The following NODAL variants were observed in gnomAD, a reference collection of about 807,000 sequenced individuals.
NODAL encodes the protein nodal homolog.
A neutral mutation model predicts 34.0 loss-of-function variants in NODAL; 12 were observed. The observed-to-expected ratio is 0.35, with a 90% CI of 0.23 to 0.57. The LOEUF (loss-of-function observed/expected upper bound fraction) is 0.57, where lower values mean the gene tolerates loss of function less well. Among genes scored for constraint, NODAL ranks in the 20% least tolerant of loss-of-function variants. NODAL has a pLI of 0.83. For missense variants in NODAL, 390 were observed against 444.2 expected (o/e 0.88, Z 1.10); for synonymous variants, 162 against 186.4 (o/e 0.87, Z 1.07).
chr10:70,440,400 A>G, intron 1 of NODAL, among the ~76,000 whole-genome samples: 1 of 152,260 alleles, frequency 6.6e-6, no homozygotes, highest in Non-Finnish European at 1.5e-5. Context: ...TGGTCCCCAG[A>G]TGACCCTTCC....
At chr10:70,442,120 T>C (rs1429052710), upstream of NODAL, among the ~76,000 whole-genome samples, 1 of 152,212 alleles carries the variant, frequency 6.6e-6, no homozygotes, top group African/African-American at 2.4e-5. Context: ...GGGATCCTCG[T>C]GGCTCTCAGG....
intron 1 of NODAL, among the ~76,000 whole-genome samples, chr10:70,441,089 C>G (rs549292704): frequency 6.6e-6 from 1 of 152,394 alleles, no homozygotes; most frequent in Non-Finnish European, 1.5e-5. Flanking sequence ...TTTATTACAC[C>G]TATCCTACAG....
intron 2 of NODAL, 157 bp downstream of exon 2, chr10:70,435,129 A>C: frequency 4.4e-6 from 3 of 676,606 alleles, no homozygotes; most frequent in Non-Finnish European, 7.7e-6. Context: ...ACACTCGGTC[A>C]TCTCTACATG....
At chr10:70,444,184 C>T (rs1366194209), upstream of NODAL, among the ~76,000 whole-genome samples, 2 of 152,154 alleles carry the variant, frequency 1.3e-5, no homozygotes, top group Non-Finnish European at 2.9e-5. Context: ...CCACCCGCCT[C>T]AGCCTCCCAA....
In NODAL at chr10:70,431,998, A is replaced by C. The variant is rs1439340925; in HGVS notation, c.*938T>G. On this transcript the variant is annotated 3_prime_UTR_variant, in exon 3 of 3. Transcript: ENST00000287139. ...TAATATGAATGCATTAGGATTCACC[A>C]GCGTTCCTTTTACAAGTGGAGACTG... Among the ~76,000 whole-genome samples the C allele has an allele frequency of 6.6e-6, 1 of 152,226 alleles. No individual in the cohort carries two copies. Among genetic ancestry groups the C allele is most frequent in the Admixed American group, 6.5e-5 (1 of 15,280 alleles).
intron 1 of NODAL, 133 bp downstream of exon 1, chr10:70,441,342 G>C (rs944716819): frequency 1.0e-6 from 1 of 968,858 alleles, no homozygotes; most frequent in Non-Finnish European, 1.5e-6. Context: ...CCTGGGCTCG[G>C]GACGCCCGGG....
rs1174224192 is a variant in NODAL at position 70,432,482 on chromosome 10, TC to T, written c.*453del. 3.6e-6 allele frequency: 1 copy of T among 275,076 alleles called. No homozygotes were observed. Among genetic ancestry groups the T allele is most frequent in the African/African-American group, 2.2e-5 (1 of 45,576 alleles). The allele number at this position is 275,076 out of a possible 1,614,324, so 17.0% of individuals were successfully genotyped here. On this transcript the variant is annotated 3_prime_UTR_variant, in exon 3 of 3. Coordinates refer to ENST00000287139, the MANE Select transcript of NODAL (RefSeq NM_018055.5). The stretch of plus-strand genomic sequence containing the variant: ...GGACTCTTTTTAATCTATACAGTGA[TC>T]CTTAATCTTTGGGGAGGGGGACAGG...
chr10:70,446,808 T>C (rs1362581630), intron 1 of NODAL, among the ~76,000 whole-genome samples: 2 of 152,156 alleles, frequency 1.3e-5, no homozygotes, highest in Non-Finnish European at 2.9e-5. Context: ...GGAGAGCACC[T>C]GCTTCATCAT....
intron 2 of NODAL, chr10:70,434,791 G>A (rs2231955): frequency 0.23 from 38,005 of 167,422 alleles, 4,695 homozygotes; most frequent in Non-Finnish European, 0.26. Flanking sequence ...TGCTTTACAT[G>A]CCATGTGCAT....
In NODAL at chr10:70,435,442, T is replaced by C. The variant is rs1444321917; in HGVS notation, c.735A>G (p.Gln245=). The change falls in exon 2 of 3, where the codon CAA becomes CAG. Residue 245 remains glutamine, a synonymous_variant. Coordinates refer to ENST00000287139, the MANE Select transcript of NODAL (RefSeq NM_018055.5). ...CCTGGAACTTGACCTTCCGACACAG[T>C]TGACTTCTGTCTGGCAAGTGATGTC... ...HRRHHLPDRS[Q]LCRKVKFQVD... The C allele has an allele frequency of 1.2e-6, 2 of 1,614,096 alleles. No individual in the cohort carries two copies. The highest frequency in any genetic ancestry group is 2.7e-5 in the African/African-American group (2 of 74,930).
intron 1 of NODAL, among the ~76,000 whole-genome samples, chr10:70,438,127 T>TA (rs995860437): frequency 1.3e-3 from 200 of 148,712 alleles, no homozygotes; most frequent in African/African-American, 3.7e-3. Flanking sequence ...CTGTCTCTAC[T>TA]AAAAAAAAAA....
upstream of NODAL, among the ~76,000 whole-genome samples, chr10:70,444,416 A>G (rs973300544): frequency 2.7e-5 from 4 of 149,208 alleles, no homozygotes; most frequent in South Asian, 2.1e-4. Context: ...TGCAGCCTCT[A>G]CCTCCTGGGT....
At chr10:70,447,885 C>T in intron 1 of NODAL, 1 of 471,128 alleles carries the variant, frequency 2.1e-6, no homozygotes, top group South Asian at 1.5e-5. Flanking sequence ...TGAATTCAAT[C>T]TCATAAAGGC....
chr10:70,435,237 C>T, intron 2 of NODAL, 49 bp downstream of exon 2: 1 of 1,513,634 alleles, frequency 6.6e-7, no homozygotes, highest in Non-Finnish European at 9.0e-7. Flanking sequence ...AGCCCTGTCC[C>T]CCAAGGCCAG....
chr10:70,434,441 C>T (rs1330516669), intron 2 of NODAL, among the ~76,000 whole-genome samples: 1 of 152,214 alleles, frequency 6.6e-6, no homozygotes, highest in Non-Finnish European at 1.5e-5. Flanking sequence ...CGGCTCACTG[C>T]AATCTCTGCC....
At chr10:70,443,722 C>T (rs185552068), upstream of NODAL, among the ~76,000 whole-genome samples, 284 of 151,904 alleles carry the variant, frequency 1.9e-3, no homozygotes, top group Middle Eastern at 0.01. Context: ...GCCTGTAATC[C>T]CAGCTACTCG....
intron 1 of NODAL, 31 bp from the exon 2 acceptor site, chr10:70,436,014 G>C (rs1845349023): frequency 1.9e-6 from 3 of 1,584,842 alleles, no homozygotes; most frequent in Non-Finnish European, 2.6e-6. Flanking sequence ...AAGGAAGGAG[G>C]GTGAGTGAGG....
chr10:70,432,888 C>T lies in NODAL; in HGVS notation c.*48G>A, dbSNP rs1845286308. On this transcript the variant is annotated 3_prime_UTR_variant, in exon 3 of 3. Transcript: ENST00000287139. ...TGGTTATCATGTCTTCCAGGAGTTT[C>T]CCAGCCTTCCAGAGTGCAGGCAAAT... The T allele has an allele frequency of 6.2e-7, 1 of 1,608,146 alleles. No individual in the cohort carries two copies. The highest frequency in any genetic ancestry group is 1.1e-5 in the South Asian group (1 of 90,904).
intron 1 of NODAL, among the ~76,000 whole-genome samples, chr10:70,439,277 C>T (rs1029024596): frequency 3.3e-5 from 5 of 152,188 alleles, no homozygotes; most frequent in Non-Finnish European, 5.9e-5. Context: ...TGCTGGGTTA[C>T]AGGCGTAAGC....
Sources: gnomAD v4.1 joint callset for allele counts (sites outside exome capture counted in the v4.1 genomes callset) on GRCh38, gnomAD v4.1.1 for gene constraint, MANE v1.5 for transcripts, NCBI Gene and HGNC (gene_info 2026-07-23, HGNC 2026-07-21) for gene names.